The following NRXN1 variants were observed in gnomAD, a reference collection of about 807,000 sequenced individuals.
The protein encoded by NRXN1 is neurexin 1.
Under a neutral mutation model 150.9 loss-of-function variants are expected in NRXN1, and 39 were observed. That is an observed-to-expected ratio of 0.26 (90% CI 0.20 to 0.34). The LOEUF is 0.34. NRXN1 is among the 10% of genes least tolerant of loss of function. The pLI, the probability that NRXN1 is intolerant of heterozygous loss-of-function variation, is 1.00. For missense variants in NRXN1, 1,815 were observed against 1,949.9 expected (o/e 0.93, Z 1.30); for synonymous variants, 924 against 757.0 (o/e 1.22, Z -3.62).
intron 8 of NRXN1, among the ~76,000 whole-genome samples, chr2:50,609,807 C>G (rs548805557): frequency 2.6e-5 from 4 of 152,184 alleles, no homozygotes; most frequent in East Asian, 1.9e-4. Context: ...TGACCTATGT[C>G]AACCTAATTG....
intron 5 of NRXN1, among the ~76,000 whole-genome samples, chr2:50,737,997 G>T (rs1268943346): frequency 6.6e-6 from 1 of 152,114 alleles, no homozygotes; most frequent in Non-Finnish European, 1.5e-5. Context: ...TTTATGGAAA[G>T]CAAATGTTCT....
intron 21 of NRXN1, among the ~76,000 whole-genome samples, chr2:49,963,238 T>A (rs1676317127): frequency 6.6e-6 from 1 of 152,156 alleles, no homozygotes; most frequent in Admixed American, 6.5e-5. Context: ...GACTTCCATG[T>A]GGTCGAAAAA....
intron 18 of NRXN1, among the ~76,000 whole-genome samples, chr2:50,212,808 C>T (rs1177115693): frequency 6.6e-6 from 1 of 151,870 alleles, no homozygotes; most frequent in Non-Finnish European, 1.5e-5. Flanking sequence ...TTATATGAAA[C>T]TTCAAGGTTA....
At chr2:50,010,503 A>T (rs12620898) in intron 21 of NRXN1, among the ~76,000 whole-genome samples, 71,400 of 151,872 alleles carry the variant, frequency 0.47, 17,405 homozygotes, top group Middle Eastern at 0.61. Flanking sequence ...TGCAACGATA[A>T]CTCTAAGAAA....
intron 5 of NRXN1, among the ~76,000 whole-genome samples, chr2:50,689,367 C>A (rs1691721676): frequency 6.6e-6 from 1 of 152,018 alleles, no homozygotes; most frequent in Non-Finnish European, 1.5e-5. Flanking sequence ...ATTCCATCAC[C>A]CTCAAAGATT....
intron 18 of NRXN1, among the ~76,000 whole-genome samples, chr2:50,160,689 C>A (rs1413920866): frequency 2.0e-5 from 3 of 152,056 alleles, no homozygotes; most frequent in African/African-American, 7.2e-5. Context: ...TTAAGGACTT[C>A]CCAAAGTATT....
intron 12 of NRXN1, among the ~76,000 whole-genome samples, chr2:50,524,242 GCCAAGGCAGACA>G (rs1204569965): frequency 2.0e-5 from 3 of 152,182 alleles, no homozygotes; most frequent in Non-Finnish European, 4.4e-5. Context: ...ACTTTGGGAG[GCCAAGGCAGACA>G]GATCACCTGA....
At chr2:51,011,133 T>C (rs542141519) in intron 2 of NRXN1, among the ~76,000 whole-genome samples, 19 of 152,138 alleles carry the variant, frequency 1.2e-4, no homozygotes, top group African/African-American at 4.3e-4. Flanking sequence ...TTCATTTTAA[T>C]TCACGTCTTT....
chr2:50,297,007 C>T (rs2073663211), intron 17 of NRXN1, among the ~76,000 whole-genome samples: 1 of 151,596 alleles, frequency 6.6e-6, no homozygotes, highest in African/African-American at 2.4e-5. Flanking sequence ...CTCAGGCTCC[C>T]AAGTAGCTGG....
At chr2:49,932,670 C>T (rs576029982) in intron 22 of NRXN1, among the ~76,000 whole-genome samples, 2 of 152,216 alleles carry the variant, frequency 1.3e-5, no homozygotes, top group East Asian at 3.9e-4. Flanking sequence ...TAACATTACT[C>T]AATTGTCAAC....
chr2:50,395,564 C>A (rs12713097), intron 17 of NRXN1, among the ~76,000 whole-genome samples: 34,252 of 151,806 alleles, frequency 0.23, 4,256 homozygotes, highest in East Asian at 0.43. Flanking sequence ...TCATCCACTT[C>A]AATTGAATAC....
intron 8 of NRXN1, among the ~76,000 whole-genome samples, chr2:50,568,969 G>A (rs1462818580): frequency 6.6e-6 from 1 of 152,070 alleles, no homozygotes; most frequent in Non-Finnish European, 1.5e-5. Context: ...CCATAAAAAA[G>A]AATGGGATTC....
intron 17 of NRXN1, among the ~76,000 whole-genome samples, chr2:50,278,861 T>G (rs1432579800): frequency 6.6e-6 from 1 of 152,070 alleles, no homozygotes; most frequent in Non-Finnish European, 1.5e-5. Context: ...TAATGATGTG[T>G]CACTGGCCTG....
chr2:50,940,387 A>T (rs1179373188), intron 2 of NRXN1, among the ~76,000 whole-genome samples: 6 of 151,762 alleles, frequency 4.0e-5, no homozygotes, highest in Non-Finnish European at 5.9e-5. Context: ...AGGCAGGAGA[A>T]CTGCTTGAAC....
intron 21 of NRXN1, among the ~76,000 whole-genome samples, chr2:49,953,478 G>T (rs1400080204): frequency 6.6e-6 from 1 of 151,980 alleles, no homozygotes; most frequent in Non-Finnish European, 1.5e-5. Flanking sequence ...GTGCACATTG[G>T]TTCTTTAATA....
At chr2:50,722,742 CTT>C (rs1696842171) in intron 5 of NRXN1, among the ~76,000 whole-genome samples, 1 of 152,092 alleles carries the variant, frequency 6.6e-6, no homozygotes, top group African/African-American at 2.4e-5. Flanking sequence ...TTAACAAAGA[CTT>C]AACAACAACA....
chr2:50,652,523 G>A (rs923068585), intron 5 of NRXN1, among the ~76,000 whole-genome samples: 3 of 152,056 alleles, frequency 2.0e-5, no homozygotes, highest in Admixed American at 1.3e-4. Context: ...GCTCCATGTA[G>A]CATATAGCAT....
intron 13 of NRXN1, among the ~76,000 whole-genome samples, chr2:50,500,102 C>G (rs1273911058): frequency 6.6e-6 from 1 of 151,714 alleles, no homozygotes; most frequent in African/African-American, 2.4e-5. Context: ...GATGAAACAA[C>G]CAATAGTAAA....
At position 50,495,542 on chromosome 2, in the gene NRXN1, A is replaced by G. The variant is rs368648172; in HGVS notation, c.3070+363T>C. On this transcript the variant is annotated intron_variant, in intron 15 of 22. Transcript: ENST00000401669. ...CAAGGAAAGAAAACTAATAAGCTCTATAATAAGCTCCTATATATCTGGTTC... is the reference window on the plus strand; with the variant it reads ...CAAGGAAAGAAAACTAATAAGCTCTGTAATAAGCTCCTATATATCTGGTTC... Among the ~76,000 whole-genome samples, 88 of 152,192 alleles carry G rather than the reference A, an allele frequency of 5.8e-4. 3 individuals carry two copies. The South Asian group carries it at 0.018, about 31-fold the overall frequency.
Sources: allele counts gnomAD v4.1 joint callset (sites outside exome capture counted in the v4.1 genomes callset), GRCh38; gene constraint gnomAD v4.1.1; transcripts MANE v1.5; gene names NCBI Gene and HGNC (gene_info 2026-07-23, HGNC 2026-07-21).